DLC1: variants seen among roughly 807,000 people sequenced by gnomAD.
DLC1 encodes DLC1 Rho GTPase activating protein, also known as rho GTPase-activating protein 7.
Under a neutral mutation model 140.3 loss-of-function variants are expected in DLC1, and 54 were observed. The observed-to-expected ratio is 0.38, with a 90% CI of 0.31 to 0.48. The LOEUF (loss-of-function observed/expected upper bound fraction) is 0.48, where lower values mean the gene tolerates loss of function less well. Ranked by LOEUF, DLC1 falls within the 20% of genes least tolerant of loss-of-function variation. DLC1 has a pLI of 0.96. For missense variants in DLC1, 2,536 were observed against 1,907.0 expected (o/e 1.33, Z -6.14); for synonymous variants, 986 against 728.1 (o/e 1.35, Z -5.70).
chr8:13,219,381 T>TACAGTTC (rs767861728), intron 5 of DLC1, among the ~76,000 whole-genome samples: 6 of 126,918 alleles, frequency 4.7e-5, no homozygotes, highest in Non-Finnish European at 9.9e-5. Flanking sequence ...CTTATATAAT[T>TACAGTTC]ATATTTCATA....
chr8:13,529,291 T>C lies in DLC1; in HGVS notation c.-125-29095A>G, dbSNP rs114403285. Among the ~76,000 whole-genome samples the C allele has an allele frequency of 6.0e-3, 916 of 152,262 alleles. 15 individuals are homozygous for C. The highest frequency in any genetic ancestry group is 0.021 in the African/African-American group (887 of 41,570). On this transcript the variant is annotated intron_variant, in intron 1 of 1. Coordinates refer to the DLC1 transcript ENST00000631382. ...GTGTAATTAGGGAGTTTAAAGATAA[T>C]TATAACAATTAACTTGTCACCTGAT...
At chr8:13,157,934 C>G (rs773790775) in intron 5 of DLC1, among the ~76,000 whole-genome samples, 3 of 152,198 alleles carry the variant, frequency 2.0e-5, no homozygotes, top group Non-Finnish European at 4.4e-5. Context: ...ATTTAGTTTA[C>G]TCACTAGTTT....
chr8:13,338,794 T>C (rs903284121), intron 4 of DLC1: 1 of 152,202 alleles, frequency 6.6e-6, no homozygotes, highest in African/African-American at 2.4e-5. Context: ...ATCTTCAGCT[T>C]ACTCAATTAT....
intron 5 of DLC1, among the ~76,000 whole-genome samples, chr8:13,273,685 C>CATGTGTGT: frequency 1.4e-5 from 1 of 69,136 alleles, no homozygotes; most frequent in South Asian, 8.9e-4. Flanking sequence ...CAGAACTGTG[C>CATGTGTGT]CTGTGTGTGT....
intron 1 of DLC1, among the ~76,000 whole-genome samples, chr8:13,503,457 T>TTTGAAAATCACTGATCTATA (rs1274011304): frequency 2.1e-4 from 32 of 152,248 alleles, no homozygotes; most frequent in Middle Eastern, 3.4e-3. Context: ...GACATTCTAG[T>TTTGAAAATCACTGATCTATA]TTGAAAATCA....
chr8:13,552,821 G>T (rs1019797896), intron 1 of DLC1, among the ~76,000 whole-genome samples: 2 of 151,624 alleles, frequency 1.3e-5, no homozygotes, highest in African/African-American at 4.8e-5. Flanking sequence ...TTAAAAGAAA[G>T]TACAAAGTCT....
intron 4 of DLC1, among the ~76,000 whole-genome samples, chr8:13,386,142 C>G (rs187996950): frequency 3.3e-5 from 5 of 152,130 alleles, no homozygotes; most frequent in Non-Finnish European, 7.4e-5. Flanking sequence ...CTAAATTTTT[C>G]TCATTGTAAT....
chr8:13,245,300 G>C (rs891537646), intron 5 of DLC1, among the ~76,000 whole-genome samples: 6 of 152,146 alleles, frequency 3.9e-5, no homozygotes, highest in African/African-American at 1.4e-4. Flanking sequence ...GCCTCTAGCT[G>C]TCTTGCAACC....
chr8:13,439,412 T>A lies in DLC1; in HGVS notation c.1024-37793A>T, dbSNP rs530260855. ...CTGACCTCTGCCATGTAAGTGAGGT[T>A]CTTCCACATATTTAAGTTTGAGCAC... is the stretch of plus-strand genomic sequence containing the variant. On this transcript the variant is annotated intron_variant, in intron 2 of 17. Coordinates refer to ENST00000276297, the MANE Select transcript of DLC1 (RefSeq NM_182643.3). 9.2e-5 allele frequency among the ~76,000 whole-genome samples: 14 copies of A among 152,116 alleles called. No individual in the cohort carries two copies. The South Asian group carries it at 2.7e-3, about 29-fold the overall frequency.
chr8:13,178,942 G>A lies in DLC1; in HGVS notation c.1349-63285C>T, dbSNP rs114138497. On this transcript the variant is annotated intron_variant, in intron 5 of 17. Transcript: ENST00000276297. ...ATACCAATTTACCAAATAGAAATGT[G>A]TCGATTTGTTCACCAAAAGACATGT... Among the ~76,000 whole-genome samples, 801 of 152,260 alleles carry A rather than the reference G, an allele frequency of 5.3e-3. 5 individuals carry two copies. The highest frequency in any genetic ancestry group is 0.018 in the African/African-American group (752 of 41,548).
intron 4 of DLC1, among the ~76,000 whole-genome samples, chr8:13,329,585 C>T (rs1248806715): frequency 1.3e-5 from 2 of 152,158 alleles, no homozygotes. Context: ...CTTTTTTCTA[C>T]TAAATTTTGG....
At chr8:13,148,141 C>G (rs1488822036) in intron 5 of DLC1, among the ~76,000 whole-genome samples, 1 of 150,858 alleles carries the variant, frequency 6.6e-6, no homozygotes, top group African/African-American at 2.4e-5. Flanking sequence ...AATTTTAGGT[C>G]TGGGGTACAT....
chr8:13,240,779 G>C (rs1161542604), intron 5 of DLC1, among the ~76,000 whole-genome samples: 1 of 152,022 alleles, frequency 6.6e-6, no homozygotes, highest in African/African-American at 2.4e-5. Flanking sequence ...AGTTGGTGAT[G>C]GCCAATTTCT....
At chr8:13,164,589 A>G (rs968670697) in intron 5 of DLC1, among the ~76,000 whole-genome samples, 11 of 152,264 alleles carry the variant, frequency 7.2e-5, no homozygotes, top group African/African-American at 2.6e-4. Flanking sequence ...GCATATCAAC[A>G]TGGAACCATG....
chr8:13,246,893 T>G (rs1054920893), intron 5 of DLC1, among the ~76,000 whole-genome samples: 14 of 152,166 alleles, frequency 9.2e-5, no homozygotes, highest in African/African-American at 3.1e-4. Context: ...AGATCATAAA[T>G]ACTGTTCATG....
At chr8:13,282,058 G>A (rs1831382890) in intron 5 of DLC1, among the ~76,000 whole-genome samples, 1 of 152,160 alleles carries the variant, frequency 6.6e-6, no homozygotes, top group Admixed American at 6.5e-5. Context: ...GAATTACATA[G>A]GGTGGGGACT....
At chr8:13,566,558 A>G (rs1185493164) in intron 1 of DLC1, among the ~76,000 whole-genome samples, 1 of 152,186 alleles carries the variant, frequency 6.6e-6, no homozygotes, top group Non-Finnish European at 1.5e-5. Context: ...TTTTAAATCT[A>G]GATGCATTTA....
chr8:13,221,712 A>C (rs1016016922), intron 5 of DLC1, among the ~76,000 whole-genome samples: 4 of 133,730 alleles, frequency 3.0e-5, no homozygotes, highest in Non-Finnish European at 4.7e-5. Context: ...GTGTGTGTAT[A>C]TGTGTGTGTG....
chr8:13,088,171 C>G (rs928838274), intron 16 of DLC1, among the ~76,000 whole-genome samples: 1 of 152,230 alleles, frequency 6.6e-6, no homozygotes, highest in Non-Finnish European at 1.5e-5. Flanking sequence ...GCCTCAAACT[C>G]CTGGCTCAAG....
Sources: allele counts gnomAD v4.1 joint callset (sites outside exome capture counted in the v4.1 genomes callset), GRCh38; gene constraint gnomAD v4.1.1; transcripts MANE v1.5; gene names NCBI Gene and HGNC (gene_info 2026-07-23, HGNC 2026-07-21).